STK3: variants seen among roughly 807,000 people sequenced by gnomAD.
STK3 encodes serine/threonine-protein kinase 3.
Under a neutral mutation model 58.0 loss-of-function variants are expected in STK3, and 41 were observed. The observed-to-expected ratio is 0.71, with a 90% CI of 0.55 to 0.92. STK3 has a LOEUF of 0.92. Ranked by LOEUF, STK3 falls within the 40% of genes least tolerant of loss-of-function variation. The pLI is 0.00. For synonymous variants in STK3, 170 were observed against 191.0 expected (o/e 0.89, Z 0.91); for missense variants, 479 against 602.7 (o/e 0.79, Z 2.15).
Position 98,455,531 on chromosome 8 carries a change from C to A in STK3, c.*311G>T, listed in dbSNP as rs2131134499. On this transcript the variant is annotated 3_prime_UTR_variant, in exon 11 of 11. Transcript: ENST00000419617. ...TAAAGCCCTTCAGTGCTGTACAATG[C>A]AACAATAGCTTTGGATTTTCAAGGT... The A allele has an allele frequency of 5.9e-6, 2 of 341,566 alleles. No individual in the cohort carries two copies. The highest frequency in any genetic ancestry group is 3.5e-5 in the South Asian group (1 of 28,546). 21.2% of individuals were successfully genotyped at this position (341,566 alleles called of 1,614,324 possible).
At chr8:98,594,017 A>C (rs1815577989) in intron 7 of STK3, among the ~76,000 whole-genome samples, 1 of 152,140 alleles carries the variant, frequency 6.6e-6, no homozygotes, top group African/African-American at 2.4e-5. Context: ...TAAAATACAT[A>C]TATATTTCAG....
chr8:98,536,790 T>C (rs546548032), intron 9 of STK3, among the ~76,000 whole-genome samples: 8 of 152,340 alleles, frequency 5.3e-5, no homozygotes, highest in Non-Finnish European at 7.4e-5. Flanking sequence ...AGTCCTTAAC[T>C]GATACATTTC....
intron 10 of STK3, among the ~76,000 whole-genome samples, chr8:98,505,781 G>A (rs1824010627): frequency 6.6e-6 from 1 of 152,130 alleles, no homozygotes; most frequent in African/African-American, 2.4e-5. Context: ...CATCCCAGAG[G>A]GGCATCTGGC....
intron 6 of STK3, among the ~76,000 whole-genome samples, chr8:98,624,834 A>T (rs747279324): frequency 1.3e-5 from 2 of 152,136 alleles, no homozygotes; most frequent in Non-Finnish European, 2.9e-5. Flanking sequence ...AGCCTGGGCA[A>T]AAAGAGTGGA....
At chr8:98,582,165 C>T (rs1813960597) in intron 7 of STK3, among the ~76,000 whole-genome samples, 1 of 152,118 alleles carries the variant, frequency 6.6e-6, no homozygotes, top group East Asian at 1.9e-4. Context: ...TCTGTCTTCT[C>T]ATTACTTTAG....
At chr8:98,677,035 T>C (rs1264422931) in intron 6 of STK3, among the ~76,000 whole-genome samples, 3 of 152,214 alleles carry the variant, frequency 2.0e-5, no homozygotes, top group Non-Finnish European at 4.4e-5. Flanking sequence ...ATACTGCTTC[T>C]GCATTAATAA....
At chr8:98,680,981 C>CTTTTTTTTTTTTTTTTTTTTTTT (rs371666746) in intron 6 of STK3, among the ~76,000 whole-genome samples, 1 of 124,764 alleles carries the variant, frequency 8.0e-6, no homozygotes, top group African/African-American at 3.0e-5. Flanking sequence ...CCCCACCTTT[C>CTTTTTTTTTTTTTTTTTTTTTTT]TTTTTTTTTT....
At chr8:98,774,024 G>A (rs1052199148) in intron 2 of STK3, among the ~76,000 whole-genome samples, 1 of 152,028 alleles carries the variant, frequency 6.6e-6, no homozygotes, top group Non-Finnish European at 1.5e-5. Context: ...TTGAACTTCC[G>A]ACCTCAAGTG....
intron 10 of STK3, among the ~76,000 whole-genome samples, chr8:98,458,850 C>A (rs938196079): frequency 2.6e-5 from 4 of 152,204 alleles, no homozygotes; most frequent in Non-Finnish European, 4.4e-5. Flanking sequence ...GAGGCCTCCC[C>A]AGTCACATGG....
intron 10 of STK3, among the ~76,000 whole-genome samples, chr8:98,497,213 C>T (rs1823205892): frequency 6.6e-6 from 1 of 152,074 alleles, no homozygotes; most frequent in East Asian, 1.9e-4. Context: ...GAATAATCTT[C>T]AACAAATGGT....
intron 10 of STK3, among the ~76,000 whole-genome samples, chr8:98,487,019 A>G (rs1291208429): frequency 6.6e-6 from 1 of 152,232 alleles, no homozygotes; most frequent in Non-Finnish European, 1.5e-5. Flanking sequence ...CTATGATTGC[A>G]AAAATGTTTA....
rs566369840 is a variant in STK3 at position 98,653,406 on chromosome 8, T to C, written c.684+53061A>G. Among the ~76,000 whole-genome samples the C allele has an allele frequency of 1.0e-3, 152 of 152,006 alleles. 1 individual carries two copies. The highest frequency in any genetic ancestry group is 3.0e-3 in the African/African-American group (126 of 41,464). On this transcript the variant is annotated intron_variant, in intron 6 of 10. Coordinates refer to ENST00000419617, the MANE Select transcript of STK3 (RefSeq NM_006281.4). The stretch of plus-strand genomic sequence containing the variant: ...GAAAGATCCAAAATTGACACCCTAA[T>C]ATCACAATTAAAAGAACTAGAAAAG...
chr8:98,820,111 G>A (rs548071093), intron 1 of STK3, among the ~76,000 whole-genome samples: 2 of 152,168 alleles, frequency 1.3e-5, no homozygotes, highest in East Asian at 3.9e-4. Context: ...GTTTTCTGAT[G>A]GGTAATCCAT....
At chr8:98,464,606 A>G (rs1820321200) in intron 10 of STK3, among the ~76,000 whole-genome samples, 1 of 151,408 alleles carries the variant, frequency 6.6e-6, no homozygotes, top group African/African-American at 2.4e-5. Flanking sequence ...ACATTCATAT[A>G]TTAAGGCATT....
chr8:98,694,630 T>A (rs1824707340), intron 6 of STK3, among the ~76,000 whole-genome samples: 1 of 152,220 alleles, frequency 6.6e-6, no homozygotes, highest in Non-Finnish European at 1.5e-5. Flanking sequence ...GATAGTTTAC[T>A]GAGAATCATG....
At chr8:98,887,817 C>T (rs1838046755) in intron 1 of STK3, among the ~76,000 whole-genome samples, 1 of 152,166 alleles carries the variant, frequency 6.6e-6, no homozygotes, top group African/African-American at 2.4e-5. Context: ...ACTAAGAAGA[C>T]CTGTTATGTA....
chr8:98,767,317 T>C lies in STK3; in HGVS notation c.162A>G (p.Ala54=). 6.2e-7 allele frequency: 1 copy of C among 1,611,706 alleles called. No individual in the cohort carries two copies. Among genetic ancestry groups the C allele is most frequent in the Non-Finnish European group, 8.5e-7 (1 of 1,179,500 alleles). The stretch of plus-strand genomic sequence containing the variant: ...CTGATTCAACAGGTACTTGTTTAAT[T>C]GCGACAACTTGACCGGATTCCTTGT... The part of the protein sequence containing the change: ...AIHKESGQVV[A]IKQVPVESDL... The change falls in exon 3 of 11, where the codon GCA becomes GCG. Residue 54 remains alanine (A), a synonymous_variant. Coordinates refer to ENST00000419617, the MANE Select transcript of STK3 (RefSeq NM_006281.4).
At chr8:98,612,118 A>G (rs1817245326) in intron 6 of STK3, among the ~76,000 whole-genome samples, 2 of 150,108 alleles carry the variant, frequency 1.3e-5, no homozygotes, top group South Asian at 4.1e-4. Flanking sequence ...TTTATATTTC[A>G]TCTAAAATTC....
chr8:98,824,165 T>C (rs1351097845), intron 1 of STK3, among the ~76,000 whole-genome samples: 1 of 152,250 alleles, frequency 6.6e-6, no homozygotes, highest in Non-Finnish European at 1.5e-5. Flanking sequence ...TTTTGCGGCA[T>C]TTTTGTTCAC....
Sources: allele counts gnomAD v4.1 joint callset (sites outside exome capture counted in the v4.1 genomes callset), GRCh38; gene constraint gnomAD v4.1.1; transcripts MANE v1.5; gene names NCBI Gene and HGNC (gene_info 2026-07-23, HGNC 2026-07-21).